Variants in NDUFS2 observed in about 807,000 individuals in gnomAD.
NDUFS2 encodes NADH:ubiquinone oxidoreductase core subunit S2, also known as NADH dehydrogenase [ubiquinone] iron-sulfur protein 2, mitochondrial.
In NDUFS2, 38 loss-of-function variants were observed where a neutral mutation model predicts 69.6. That is an observed-to-expected ratio of 0.55 (90% CI 0.42 to 0.72). The LOEUF (loss-of-function observed/expected upper bound fraction) is 0.72. Among genes scored for constraint, NDUFS2 ranks in the 30% least tolerant of loss-of-function variants. The pLI, the probability that NDUFS2 is intolerant of heterozygous loss-of-function variation, is 0.00. For missense variants in NDUFS2, 468 were observed against 595.0 expected, an observed-to-expected ratio of 0.79 and a Z score of 2.22; for synonymous variants, 194 against 211.2, an observed-to-expected ratio of 0.92 and a Z score of 0.70.
upstream of NDUFS2, chr1:161,198,919 C>T (rs568929361): frequency 8.4e-5 from 31 of 367,884 alleles, no homozygotes; most frequent in African/African-American, 4.3e-4. This position sits in a 1 kb window ranked among gnomAD's most constrained non-coding sequence, Gnocchi z 4.7. Flanking sequence ...TGGCCTCTCC[C>T]TCTGTAGGAC....
chr1:161,200,353 C>G (rs1474339935), upstream of NDUFS2, among the ~76,000 whole-genome samples: 2 of 152,022 alleles, frequency 1.3e-5, no homozygotes, highest in African/African-American at 2.4e-5. Flanking sequence ...ACTCTCAAGG[C>G]AAGGAAGGGT....
At chr1:161,208,812 A>G (rs141743318) in intron 3 of NDUFS2, among the ~76,000 whole-genome samples, 55 of 152,350 alleles carry the variant, frequency 3.6e-4, no homozygotes, top group African/African-American at 1.3e-3. Flanking sequence ...ACATTTTACT[A>G]TGCTCTGCCT....
upstream of NDUFS2, chr1:161,198,528 G>A (rs1013687956): frequency 8.3e-6 from 13 of 1,566,746 alleles, no homozygotes; most frequent in African/African-American, 1.4e-4. The surrounding 1 kb of genome is among the most constrained non-coding windows in gnomAD (Gnocchi z 4.7). Context: ...AGCCACACCA[G>A]CCAGGAGAGC....
intron 10 of NDUFS2, chr1:161,212,772 T>TC: frequency 2.8e-6 from 1 of 357,044 alleles, no homozygotes; most frequent in Non-Finnish European, 5.4e-6. Context: ...TTGGTCAGGG[T>TC]GGTCTCGAAC....
At chr1:161,213,951 C>A (rs1443548526) in intron 13 of NDUFS2, 30 bp downstream of exon 13, 1 of 1,614,058 alleles carries the variant, frequency 6.2e-7, no homozygotes, top group Admixed American at 1.7e-5. Flanking sequence ...GTAGAGGTAT[C>A]CTAGACAAAG....
At chr1:161,212,727 T>C (rs968063426) in intron 10 of NDUFS2, 3 of 394,226 alleles carry the variant, frequency 7.6e-6, no homozygotes, top group African/African-American at 2.1e-5. Context: ...GCCCAGCTAA[T>C]TTTTTGTATT....
chr1:161,212,561 A>T, intron 10 of NDUFS2, 81 bp downstream of exon 10: 2 of 1,549,720 alleles, frequency 1.3e-6, no homozygotes, highest in Non-Finnish European at 1.7e-6. Context: ...ATTAAATCCT[A>T]TCTTTTGGTT....
chr1:161,209,306 G>A lies in NDUFS2; in HGVS notation c.507G>A (p.Trp169Ter). Residue 169 changes from tryptophan (W) to a stop codon, truncating the protein, a stop_gained, in exon 4 of 14, where the codon TGG becomes TGA. Transcript: ENST00000676972. LOFTEE classifies it high-confidence loss of function. ...LNIRPPPRAQWIRVLFGEITR... is the reference protein window; with the variant it reads ...LNIRPPPRAQ ...TCCGGCCTCCTCCTCGGGCACAGTG[G>A]ATCCGAGGTATGTCCCCCCAACTTT... 1 of 1,614,116 alleles carries A rather than the reference G, an allele frequency of 6.2e-7. No homozygotes were observed. The highest frequency in any genetic ancestry group is 1.1e-5 in the South Asian group (1 of 91,076).
At chr1:161,203,392 A>G in intron 1 of NDUFS2, 45 bp from the exon 2 acceptor site, 4 of 1,527,394 alleles carry the variant, frequency 2.6e-6, no homozygotes, top group Non-Finnish European at 3.6e-6. Flanking sequence ...CAGGAACCAA[A>G]CACTGTTCAG....
In NDUFS2 at chr1:161,210,126, C is replaced by T. The variant is rs1363048302; in HGVS notation, c.718C>T (p.Leu240Phe). 4.3e-6 allele frequency: 7 copies of T among 1,613,990 alleles called. No individual in the cohort carries two copies. Among genetic ancestry groups the T allele is most frequent in the Admixed American group, 1.7e-5 (1 of 59,988 alleles). The change falls in exon 7 of 14, where the codon CTT (leucine) becomes TTT (phenylalanine). Residue 240 changes from leucine to phenylalanine, a missense_variant. Transcript: ENST00000676972. ...GGVHQDLPLG[L>F]MDDIYQFSKN... Reference sequence around the variant, plus strand: ...TGGCTTCTAGGACCTACCCCTTGGGCTTATGGATGACATTTATCAGTTTTC... The same window carrying T: ...TGGCTTCTAGGACCTACCCCTTGGGTTTATGGATGACATTTATCAGTTTTC...
chr1:161,207,078 C>T (rs1665507144), intron 3 of NDUFS2, among the ~76,000 whole-genome samples: 1 of 152,280 alleles, frequency 6.6e-6, no homozygotes. Context: ...AACTGTATAA[C>T]CCAAATGATG....
upstream of NDUFS2, chr1:161,198,279 C>T (rs769763806): frequency 1.9e-6 from 3 of 1,613,760 alleles, no homozygotes; most frequent in Non-Finnish European, 2.5e-6. This position sits in a 1 kb window ranked among gnomAD's most constrained non-coding sequence, Gnocchi z 4.7. Flanking sequence ...CCCAGCAGCT[C>T]AGGCGCCTGG....
At chr1:161,210,745 G>A (rs1391346389) in intron 9 of NDUFS2, 35 bp downstream of exon 9, 2 of 1,613,464 alleles carry the variant, frequency 1.2e-6, no homozygotes, top group Non-Finnish European at 1.7e-6. Context: ...TGATATTCCA[G>A]CTAGTTTCCC....
At chr1:161,211,769 G>C (rs184945688) in intron 9 of NDUFS2, among the ~76,000 whole-genome samples, 8 of 152,192 alleles carry the variant, frequency 5.3e-5, no homozygotes, top group African/African-American at 1.7e-4. Flanking sequence ...GAACCTGGTA[G>C]CTACTGCTGT....
chr1:161,201,303 G>A (rs1665107575), upstream of NDUFS2, among the ~76,000 whole-genome samples: 1 of 152,214 alleles, frequency 6.6e-6, no homozygotes, highest in Non-Finnish European at 1.5e-5. Flanking sequence ...TCTGCTTCCT[G>A]GTCTGTCTGC....
rs772981947 is a variant in NDUFS2, at chr1:161,213,928, G to A, written c.1354+7G>A. On this transcript the variant is annotated splice_region_variant and intron_variant, in intron 13 of 13. Coordinates refer to ENST00000676972, the MANE Select transcript of NDUFS2 (RefSeq NM_001377299.1). ...GATGTCGTTGCCATCATAGGTACGA[G>A]GCCTATTGTGTAGTAGAGGTATCCT... is the stretch of plus-strand genomic sequence containing the variant. The A allele has an allele frequency of 6.2e-7, 1 of 1,614,156 alleles. No individual in the cohort carries two copies. Among genetic ancestry groups the A allele is most frequent in the South Asian group, 1.1e-5 (1 of 91,082 alleles).
At chr1:161,213,271 C>T (rs1283390611) in intron 10 of NDUFS2, 109 bp from the exon 11 acceptor site, 1 of 731,362 alleles carries the variant, frequency 1.4e-6, no homozygotes, top group African/African-American at 1.7e-5. Flanking sequence ...TACTGACTGA[C>T]ATGTGGCTTT....
chr1:161,213,543 TA>T, intron 11 of NDUFS2, 68 bp downstream of exon 11: 1 of 1,532,022 alleles, frequency 6.5e-7, no homozygotes, highest in Non-Finnish European at 9.0e-7. Context: ...GTTTAACAAA[TA>T]GCTCATTCAT....
chr1:161,213,745 C>T lies in NDUFS2; in HGVS notation c.1296+13C>T. 6.2e-7 allele frequency: 1 copy of T among 1,614,018 alleles called. No individual in the cohort carries two copies. ...TTTTGCCCATCTGGTAAGAATCAAT[C>T]CCAGTAACTATAACTCCAATGAATT... On this transcript the variant is annotated intron_variant, in intron 12 of 13. Coordinates refer to ENST00000676972, the MANE Select transcript of NDUFS2 (RefSeq NM_001377299.1).
Sources: allele counts gnomAD v4.1 joint callset (sites outside exome capture counted in the v4.1 genomes callset), GRCh38; gene constraint gnomAD v4.1.1; non-coding constraint Gnocchi (gnomAD v3.1); transcripts MANE v1.5; gene names NCBI Gene and HGNC (gene_info 2026-07-23, HGNC 2026-07-21).